GNA12: variants seen among roughly 807,000 people sequenced by gnomAD.
GNA12 encodes G protein subunit alpha 12.
GNA12 carries 9 observed loss-of-function variants against 26.0 expected under a neutral mutation model. The ratio of observed to expected loss-of-function variants is 0.35; its 90% CI spans 0.21 to 0.60. The LOEUF (loss-of-function observed/expected upper bound fraction) is 0.60. Ranked by LOEUF, GNA12 falls within the 20% of genes least tolerant of loss-of-function variation. GNA12 has a pLI of 0.78. For missense variants in GNA12, 405 were observed against 525.8 expected (o/e 0.77, Z 2.25); for synonymous variants, 264 against 219.6 (o/e 1.20, Z -1.79).
At chr7:2,751,922 C>T (rs1056778821) in intron 2 of GNA12, among the ~76,000 whole-genome samples, 23 of 152,070 alleles carry the variant, frequency 1.5e-4, no homozygotes, top group South Asian at 4.1e-4. Flanking sequence ...CTATCAAACA[C>T]GTAAAGAAGA....
At chr7:2,815,058 C>T in intron 1 of GNA12, 1 of 1,464,186 alleles carries the variant, frequency 6.8e-7, no homozygotes, top group Non-Finnish European at 9.1e-7. Flanking sequence ...AGCGCCGCCA[C>T]TGTGGCAGGC....
In GNA12 at chr7:2,843,886, C is replaced by A; in HGVS notation, c.276G>T (p.Glu92Asp). 6.4e-7 allele frequency: 1 copy of A among 1,567,782 alleles called. No homozygotes were observed. The highest frequency in any genetic ancestry group is 8.6e-7 in the Non-Finnish European group (1 of 1,158,102). ...GREFDQKALL[E>D]FRDTIFDNIL... ...TGTTGTCGAAGATGGTGTCGCGGAA[C>A]TCCAGCAGCGCCTTCTGGTCGAACT... Residue 92 changes from glutamate (E) to aspartate (D), a missense_variant, in exon 1 of 4, where the codon GAG becomes GAT. By Grantham distance (45) the Glu-to-Asp change is conservative. Coordinates refer to ENST00000275364, the MANE Select transcript of GNA12 (RefSeq NM_007353.3).
intron 1 of GNA12, among the ~76,000 whole-genome samples, chr7:2,809,212 C>T (rs1448341314): frequency 2.0e-5 from 3 of 152,130 alleles, no homozygotes; most frequent in Non-Finnish European, 4.4e-5. Context: ...CTGCTCTGTT[C>T]ACACCCGTGT....
intron 2 of GNA12, among the ~76,000 whole-genome samples, chr7:2,737,298 T>G (rs1291824033): frequency 1.7e-5 from 2 of 114,354 alleles, no homozygotes; most frequent in African/African-American, 7.1e-5. Context: ...TGTTTTTTTT[T>G]TTTTTTTTGA....
intron 2 of GNA12, among the ~76,000 whole-genome samples, chr7:2,756,086 G>C (rs920982677): frequency 6.6e-6 from 1 of 152,002 alleles, no homozygotes; most frequent in African/African-American, 2.4e-5. Flanking sequence ...GTTTATCATC[G>C]GCAAAAGAAA....
chr7:2,784,488 A>G (rs1792310939), intron 2 of GNA12, among the ~76,000 whole-genome samples: 1 of 152,260 alleles, frequency 6.6e-6, no homozygotes. Context: ...AAAGAATAGA[A>G]TAACACTTTA....
rs1453491524 is a variant in GNA12 at position 2,843,837 on chromosome 7, G to A, written c.309+16C>T. The A allele has an allele frequency of 6.3e-6, 9 of 1,424,796 alleles. No homozygotes were observed. The highest frequency in any genetic ancestry group is 8.4e-6 in the Non-Finnish European group (9 of 1,067,566). The allele number at this position is 1,424,796 out of a possible 1,614,324, so 88.3% of individuals were successfully genotyped here. A position where few individuals can be genotyped will look rare whatever the true frequency, so the allele number is the denominator to read the frequency against. ...GCCCACCTGGGTGCAGGTGCTGGGC[G>A]GGGGGCGCGCGTCACCTTGAGGATG... On this transcript the variant is annotated intron_variant, in intron 1 of 3. Transcript: ENST00000275364.
chr7:2,770,277 CT>C (rs1411407731), intron 2 of GNA12, among the ~76,000 whole-genome samples: 4 of 152,108 alleles, frequency 2.6e-5, no homozygotes, highest in African/African-American at 9.7e-5. Context: ...TTAATAGGGT[CT>C]TGTTTTATTT....
chr7:2,828,460 C>T (rs1793531897), intron 1 of GNA12, among the ~76,000 whole-genome samples: 1 of 152,204 alleles, frequency 6.6e-6, no homozygotes, highest in East Asian at 1.9e-4. Context: ...CTCAAGCGAT[C>T]CTCCTGCCTC....
At chr7:2,836,912 G>T (rs968830090) in intron 1 of GNA12, among the ~76,000 whole-genome samples, 2 of 152,078 alleles carry the variant, frequency 1.3e-5, no homozygotes, top group Admixed American at 1.3e-4. Flanking sequence ...CAACAAGAGC[G>T]AAACTCCATC....
At chr7:2,767,635 G>A (rs1022856120) in intron 2 of GNA12, among the ~76,000 whole-genome samples, 28 of 152,202 alleles carry the variant, frequency 1.8e-4, no homozygotes, top group Admixed American at 1.2e-3. Context: ...CTTGGCTGGC[G>A]CGTTTCAAGT....
chr7:2,762,776 G>C (rs1021782863), intron 2 of GNA12: 1 of 1,546,174 alleles, frequency 6.5e-7, no homozygotes, highest in East Asian at 2.5e-5. Flanking sequence ...TTCCACCCAG[G>C]CTGTACAAAA....
intron 2 of GNA12, among the ~76,000 whole-genome samples, chr7:2,767,295 C>T (rs1289307437): frequency 6.6e-6 from 1 of 152,170 alleles, no homozygotes; most frequent in Non-Finnish European, 1.5e-5. Flanking sequence ...TGGTATCATA[C>T]CCAAGAAATC....
At chr7:2,740,037 C>G (rs1025667044) in intron 2 of GNA12, among the ~76,000 whole-genome samples, 3 of 152,170 alleles carry the variant, frequency 2.0e-5, no homozygotes, top group African/African-American at 7.2e-5. Context: ...GGCGGCTGCA[C>G]AAGTTTACAT....
chr7:2,760,910 G>A (rs1277322270), intron 2 of GNA12, among the ~76,000 whole-genome samples: 1 of 151,812 alleles, frequency 6.6e-6, no homozygotes, highest in African/African-American at 2.4e-5. Context: ...GGTGGGGAGT[G>A]GGGGGTTCTG....
chr7:2,835,392 A>G (rs1182175), intron 1 of GNA12, among the ~76,000 whole-genome samples: 64,456 of 152,084 alleles, frequency 0.42, 13,948 homozygotes, highest in Admixed American at 0.47. Flanking sequence ...CCACACCCCC[A>G]TTGATGTTGG....
intron 2 of GNA12, among the ~76,000 whole-genome samples, chr7:2,788,120 C>G (rs967969594): frequency 2.6e-5 from 4 of 151,922 alleles, no homozygotes; most frequent in African/African-American, 9.7e-5. Flanking sequence ...TGCCACTGCA[C>G]TCCAGCCTGG....
chr7:2,844,249 C>T lies in GNA12; in HGVS notation c.-88G>A. On this transcript the variant is annotated 5_prime_UTR_variant, in exon 1 of 4. Coordinates refer to ENST00000275364, the MANE Select transcript of GNA12 (RefSeq NM_007353.3). ...AGGGCGAGCCCGGGCCGAGGCACCG[C>T]CCCACGCCCCGCCGCTCGCCTCAGG... is the stretch of plus-strand genomic sequence containing the variant. 2 of 598,426 alleles carry T rather than the reference C, an allele frequency of 3.3e-6. No homozygotes were observed. Among genetic ancestry groups the T allele is most frequent in the Non-Finnish European group, 4.2e-6 (2 of 478,144 alleles). 37.1% of individuals were successfully genotyped at this position (598,426 alleles called of 1,614,324 possible).
intron 2 of GNA12, chr7:2,762,936 A>C: frequency 7.2e-7 from 1 of 1,381,574 alleles, no homozygotes; most frequent in Non-Finnish European, 9.4e-7. Flanking sequence ...CGCCCCAGAC[A>C]CTCCCGTGGG....
Sources: allele counts gnomAD v4.1 joint callset (sites outside exome capture counted in the v4.1 genomes callset), GRCh38; gene constraint gnomAD v4.1.1; transcripts MANE v1.5; gene names NCBI Gene and HGNC (gene_info 2026-07-23, HGNC 2026-07-21).